Variants in LAPTM5 observed in about 807,000 individuals in gnomAD.
LAPTM5 encodes lysosomal protein transmembrane 5.
Under a neutral mutation model 30.1 loss-of-function variants are expected in LAPTM5, and 11 were observed. The observed-to-expected ratio is 0.37, with a 90% CI of 0.23 to 0.60. The LOEUF is 0.60. LAPTM5 is among the 20% of genes least tolerant of loss of function. The pLI, the probability that LAPTM5 is intolerant of heterozygous loss-of-function variation, is 0.71. For synonymous variants in LAPTM5, 151 were observed against 137.9 expected, an observed-to-expected ratio of 1.10 and a Z score of -0.67; for missense variants, 324 against 332.5, an observed-to-expected ratio of 0.97 and a Z score of 0.20.
intron 3 of LAPTM5, among the ~76,000 whole-genome samples, chr1:30,740,918 G>T (rs1639961703): frequency 6.6e-6 from 1 of 152,228 alleles, no homozygotes; most frequent in Non-Finnish European, 1.5e-5. Context: ...GCCCCTGTCT[G>T]CACAGGAAGG....
intron 3 of LAPTM5, 119 bp from the exon 4 acceptor site, chr1:30,740,056 C>T (rs947177248): frequency 1.7e-6 from 2 of 1,158,316 alleles, no homozygotes; most frequent in Non-Finnish European, 1.2e-6. Context: ...CTGCCCTCCT[C>T]AGTTGAGGTC....
chr1:30,750,263 C>G (rs1233491379), intron 1 of LAPTM5, among the ~76,000 whole-genome samples: 1 of 152,180 alleles, frequency 6.6e-6, no homozygotes, highest in Non-Finnish European at 1.5e-5. Context: ...CCCTCCACTC[C>G]CCAAACGATT....
intron 3 of LAPTM5, among the ~76,000 whole-genome samples, chr1:30,740,600 G>A (rs991450237): frequency 1.3e-5 from 2 of 152,074 alleles, no homozygotes; most frequent in Non-Finnish European, 2.9e-5. Context: ...CACTGCAACA[G>A]TGGTTTCCTG....
chr1:30,744,677 G>A (rs1172487375), intron 1 of LAPTM5, among the ~76,000 whole-genome samples: 1 of 152,094 alleles, frequency 6.6e-6, no homozygotes, highest in Non-Finnish European at 1.5e-5. Context: ...AGATTAGGTG[G>A]CTTGCCCAAG....
intron 3 of LAPTM5, among the ~76,000 whole-genome samples, chr1:30,740,258 G>A (rs1361890740): frequency 6.6e-6 from 1 of 152,140 alleles, no homozygotes; most frequent in Non-Finnish European, 1.5e-5. Flanking sequence ...CAGAGGAGAG[G>A]GGACCAGAGA....
At chr1:30,749,216 T>C (rs1640092870) in intron 1 of LAPTM5, among the ~76,000 whole-genome samples, 1 of 152,092 alleles carries the variant, frequency 6.6e-6, no homozygotes, top group Non-Finnish European at 1.5e-5. Context: ...CTCCCAAACA[T>C]AACGTTGGGA....
At position 30,757,682 on chromosome 1, in the gene LAPTM5, T is replaced by C; in HGVS notation, c.64A>G (p.Thr22Ala). Reference sequence around the variant, plus strand: ...ACCACATGGTAGATGGCCAGGGCGGTGGTTGCGATGCGGACATTGAAGCAG... The same window carrying C: ...ACCACATGGTAGATGGCCAGGGCGGCGGTTGCGATGCGGACATTGAAGCAG... ...CCCFNVRIATTALAIYHVIMS... is the reference protein window; with the variant it reads ...CCCFNVRIATAALAIYHVIMS... The change falls in exon 1 of 8, where the codon ACC becomes GCC. Residue 22 changes from threonine to alanine, a missense_variant. By Grantham distance (58) the Thr-to-Ala change is moderately conservative. Coordinates refer to ENST00000294507, the MANE Select transcript of LAPTM5 (RefSeq NM_006762.3). 1 of 1,613,650 alleles carries C rather than the reference T, an allele frequency of 6.2e-7. No homozygotes were observed. Among genetic ancestry groups the C allele is most frequent in the Non-Finnish European group, 8.5e-7 (1 of 1,179,956 alleles).
At chr1:30,754,376 A>G (rs780469705) in intron 1 of LAPTM5, among the ~76,000 whole-genome samples, 17 of 152,156 alleles carry the variant, frequency 1.1e-4, no homozygotes, top group Non-Finnish European at 8.8e-5. Flanking sequence ...TACAAAAAAA[A>G]ATATTTAAAA....
Position 30,739,117 on chromosome 1 carries a change from T to C in LAPTM5, c.388-55A>G. ...TGAGGAGCAGCAATTAAAGTCCCAG[T>C]TACTGAGCGGCACATAGTAGGCCCT... On this transcript the variant is annotated intron_variant, in intron 4 of 7. Coordinates refer to ENST00000294507, the MANE Select transcript of LAPTM5 (RefSeq NM_006762.3). This position sits in a 1 kb window ranked among gnomAD's most constrained non-coding sequence, Gnocchi z 4.2. 1 of 1,546,666 alleles carries C rather than the reference T, an allele frequency of 6.5e-7. No individual in the cohort carries two copies. The highest frequency in any genetic ancestry group is 8.7e-7 in the Non-Finnish European group (1 of 1,143,876).
chr1:30,740,594 G>A (rs1403998907), intron 3 of LAPTM5, among the ~76,000 whole-genome samples: 2 of 152,020 alleles, frequency 1.3e-5, no homozygotes, highest in Non-Finnish European at 2.9e-5. Context: ...CAAAATCACT[G>A]CAACAGTGGT....
chr1:30,733,405 A>G lies in LAPTM5; in HGVS notation c.*423T>C. On this transcript the variant is annotated 3_prime_UTR_variant, in exon 8 of 8. Transcript: ENST00000294507. Reference sequence around the variant, plus strand: ...GATTAAATTGCTATGTGAACTGACAACTATTTATAAATCAATGCAATAGAC... The same window carrying G: ...GATTAAATTGCTATGTGAACTGACAGCTATTTATAAATCAATGCAATAGAC... The G allele has an allele frequency of 1.6e-6, 1 of 631,826 alleles. No individual in the cohort carries two copies. The highest frequency in any genetic ancestry group is 2.3e-6 in the Non-Finnish European group (1 of 441,158). The allele number at this position is 631,826 out of a possible 1,614,324, so 39.1% of individuals were successfully genotyped here.
intron 1 of LAPTM5, among the ~76,000 whole-genome samples, chr1:30,753,827 C>T (rs139473840): frequency 8.5e-5 from 13 of 152,290 alleles, no homozygotes; most frequent in African/African-American, 2.9e-4. Flanking sequence ...AACGTTGAGA[C>T]GTTAGCAATA....
At chr1:30,742,186 A>G (rs1044126143) in intron 2 of LAPTM5, 1 of 527,714 alleles carries the variant, frequency 1.9e-6, no homozygotes, top group Non-Finnish European at 3.4e-6. Context: ...TTTAAGCAGA[A>G]GAGTGAGGCT....
intron 2 of LAPTM5, 160 bp from the exon 3 acceptor site, chr1:30,741,876 A>G: frequency 1.9e-6 from 1 of 527,596 alleles, no homozygotes; most frequent in Non-Finnish European, 3.4e-6. Flanking sequence ...AGTGAGTACA[A>G]AGACAAAAGC....
At chr1:30,742,674 G>A in intron 1 of LAPTM5, 125 bp from the exon 2 acceptor site, 1 of 704,172 alleles carries the variant, frequency 1.4e-6, no homozygotes, top group Non-Finnish European at 2.5e-6. Context: ...TGGCATGCCA[G>A]GTCAGTAGGG....
At position 30,737,613 on chromosome 1, in the gene LAPTM5, A is replaced by G; in HGVS notation, c.597T>C (p.Leu199=). The part of the protein sequence containing the change: ...IIFSIAFITV[L]IFKVYMFKCV... ...GCAGGGATCCACTCACCTTGAAGAT[A>G]AGGACAGTGATGAAGGCGATGGAAA... Residue 199 remains leucine, a synonymous_variant, in exon 6 of 8, where the codon CTT becomes CTC. Coordinates refer to ENST00000294507, the MANE Select transcript of LAPTM5 (RefSeq NM_006762.3). The G allele has an allele frequency of 3.1e-6, 5 of 1,611,978 alleles. No individual in the cohort carries two copies. The highest frequency in any genetic ancestry group is 4.2e-6 in the Non-Finnish European group (5 of 1,178,288).
At chr1:30,744,125 G>A (rs577451591) in intron 1 of LAPTM5, among the ~76,000 whole-genome samples, 3 of 152,256 alleles carry the variant, frequency 2.0e-5, no homozygotes, top group African/African-American at 7.2e-5. Flanking sequence ...AGCTTACGTG[G>A]TTCGGCAGTA....
At chr1:30,747,385 C>T (rs1640063411) in intron 1 of LAPTM5, among the ~76,000 whole-genome samples, 1 of 152,136 alleles carries the variant, frequency 6.6e-6, no homozygotes, top group African/African-American at 2.4e-5. Flanking sequence ...AGGTCACACA[C>T]CAAAACTGTC....
rs541466069 is a variant in LAPTM5 at position 30,739,490 on chromosome 1, C to T, written c.387+319G>A. Among the ~76,000 whole-genome samples, 77 of 152,086 alleles carry T rather than the reference C, an allele frequency of 5.1e-4. 1 individual carries two copies. The highest frequency in any genetic ancestry group is 5.4e-4 in the Non-Finnish European group (37 of 67,980). ...ATACTGGGGGCTGGGGGCTAAAAAGCGCACATGTCCTTTCCTCAGGTGTCA... is the reference window on the plus strand; with the variant it reads ...ATACTGGGGGCTGGGGGCTAAAAAGTGCACATGTCCTTTCCTCAGGTGTCA... On this transcript the variant is annotated intron_variant, in intron 4 of 7. Transcript: ENST00000294507. This position sits in a 1 kb window ranked among gnomAD's most constrained non-coding sequence, Gnocchi z 4.2.
Sources: allele counts gnomAD v4.1 joint callset (sites outside exome capture counted in the v4.1 genomes callset), GRCh38; gene constraint gnomAD v4.1.1; non-coding constraint Gnocchi (gnomAD v3.1); transcripts MANE v1.5; gene names NCBI Gene and HGNC (gene_info 2026-07-23, HGNC 2026-07-21).